The following TSHZ2 variants were observed in gnomAD, a reference collection of about 807,000 sequenced individuals.
The protein encoded by TSHZ2 is teashirt zinc finger homeobox 2.
TSHZ2 carries 21 observed loss-of-function variants against 74.4 expected under a neutral mutation model. The observed-to-expected ratio is 0.28, with a 90% CI of 0.20 to 0.41. The LOEUF is 0.41. TSHZ2 is among the 10% of genes least tolerant of loss of function. The pLI is 1.00. For missense variants in TSHZ2, 1,244 were observed against 1,293.5 expected, an observed-to-expected ratio of 0.96 and a Z score of 0.59; for synonymous variants, 540 against 515.3, an observed-to-expected ratio of 1.05 and a Z score of -0.65.
chr20:53,346,868 A>T (rs548116983), intron 2 of TSHZ2, among the ~76,000 whole-genome samples: 1 of 152,218 alleles, frequency 6.6e-6, no homozygotes, highest in Non-Finnish European at 1.5e-5. Context: ...CCACAGATAC[A>T]CAGAGTCTCA....
rs145429021 is a variant in TSHZ2 at position 53,226,356 on chromosome 20, T to C, written c.41-27143T>C. Reference sequence around the variant, plus strand: ...GTTATAAAGGTAAAATGAAATATTGTATGCAAAGCACCTCTTACCTGCTCT... The same window carrying C: ...GTTATAAAGGTAAAATGAAATATTGCATGCAAAGCACCTCTTACCTGCTCT... On this transcript the variant is annotated intron_variant, in intron 1 of 2. Coordinates refer to ENST00000371497, the MANE Select transcript of TSHZ2 (RefSeq NM_173485.6). 2.6e-3 allele frequency among the ~76,000 whole-genome samples: 390 copies of C among 152,300 alleles called. 3 individuals carry two copies. The highest frequency in any genetic ancestry group is 3.3e-3 in the Non-Finnish European group (224 of 68,034).
chr20:53,053,581 G>GTA (rs10566003), intron 1 of TSHZ2, among the ~76,000 whole-genome samples: 13,911 of 149,904 alleles, frequency 0.093, 801 homozygotes, highest in Non-Finnish European at 0.13. Flanking sequence ...ATATGTGTGT[G>GTA]TATATATATA....
intron 1 of TSHZ2, among the ~76,000 whole-genome samples, chr20:53,076,628 G>GA (rs1313146399): frequency 1.3e-5 from 2 of 152,216 alleles, no homozygotes; most frequent in African/African-American, 2.4e-5. Context: ...AGCTAAAAAA[G>GA]AAAAAAACAG....
At chr20:53,446,015 A>G (rs1984530046) in intron 2 of TSHZ2, among the ~76,000 whole-genome samples, 1 of 152,146 alleles carries the variant, frequency 6.6e-6, no homozygotes, top group Admixed American at 6.5e-5. Context: ...CCGCTGTGGT[A>G]GATGCACCAA....
chr20:53,374,034 T>C (rs1254499082), intron 2 of TSHZ2, among the ~76,000 whole-genome samples: 1 of 152,196 alleles, frequency 6.6e-6, no homozygotes, highest in Non-Finnish European at 1.5e-5. Context: ...AATTTGTTGG[T>C]TTGTTATATA....
At chr20:53,304,513 A>G (rs971159789) in intron 2 of TSHZ2, among the ~76,000 whole-genome samples, 4 of 152,066 alleles carry the variant, frequency 2.6e-5, no homozygotes, top group Non-Finnish European at 5.9e-5. Context: ...AACAGCAAAA[A>G]AAGCACCTCC....
intron 1 of TSHZ2, among the ~76,000 whole-genome samples, chr20:53,209,424 A>G (rs1989248819): frequency 6.6e-6 from 1 of 152,186 alleles, no homozygotes. Flanking sequence ...TTCTCCTCCC[A>G]GTACTCTACT....
chr20:53,385,350 G>A (rs1982006429), intron 2 of TSHZ2, among the ~76,000 whole-genome samples: 3 of 152,068 alleles, frequency 2.0e-5, no homozygotes, highest in South Asian at 2.1e-4. Context: ...AAACTCAGAA[G>A]TGAGTACTGC....
At chr20:53,420,195 G>C (rs1169652594) in intron 2 of TSHZ2, among the ~76,000 whole-genome samples, 1 of 152,236 alleles carries the variant, frequency 6.6e-6, no homozygotes, top group Non-Finnish European at 1.5e-5. Flanking sequence ...ATGGTGGCAG[G>C]GTGGGAAAAC....
At chr20:53,455,053 A>C (rs1326980407) in intron 2 of TSHZ2, among the ~76,000 whole-genome samples, 17 of 151,862 alleles carry the variant, frequency 1.1e-4, no homozygotes. Flanking sequence ...TCAGTTGGAG[A>C]GATAGATGAG....
intron 1 of TSHZ2, among the ~76,000 whole-genome samples, chr20:53,142,364 C>T (rs1315920137): frequency 6.6e-6 from 1 of 152,236 alleles, no homozygotes; most frequent in African/African-American, 2.4e-5. Flanking sequence ...AGGCCACGTG[C>T]TTCTCTTCCA....
chr20:53,062,320 C>T (rs984485339), intron 1 of TSHZ2, among the ~76,000 whole-genome samples: 3 of 152,100 alleles, frequency 2.0e-5, no homozygotes, highest in African/African-American at 7.2e-5. Flanking sequence ...TAACTATAAA[C>T]GGTCATATGG....
chr20:53,031,651 CT>C (rs1309532484), intron 1 of TSHZ2, among the ~76,000 whole-genome samples: 2 of 152,172 alleles, frequency 1.3e-5, no homozygotes, highest in Non-Finnish European at 2.9e-5. Flanking sequence ...GAGCTTCACT[CT>C]GTAGTGGGAG....
At chr20:53,186,356 C>A (rs1988599092) in intron 1 of TSHZ2, among the ~76,000 whole-genome samples, 1 of 152,214 alleles carries the variant, frequency 6.6e-6, no homozygotes, top group South Asian at 2.1e-4. Flanking sequence ...GGCTGAAACT[C>A]AGAATTGCCT....
rs143295830 is a variant in TSHZ2 at position 53,383,831 on chromosome 20, G to A, written c.*9-103313G>A. Among the ~76,000 whole-genome samples, 99 of 152,024 alleles carry A rather than the reference G, an allele frequency of 6.5e-4. 1 individual carries two copies. The highest frequency in any genetic ancestry group is 3.1e-3 in the Admixed American group (48 of 15,262). ...GCCCGGTTTCCATTTCCTCATAAAC[G>A]CTCCATCTATTTAAGCTTGCTAATT... On this transcript the variant is annotated intron_variant, in intron 2 of 2. Transcript: ENST00000371497.
At chr20:53,481,937 T>C (rs1411875998) in intron 2 of TSHZ2, among the ~76,000 whole-genome samples, 1 of 151,774 alleles carries the variant, frequency 6.6e-6, no homozygotes, top group Non-Finnish European at 1.5e-5. Flanking sequence ...AAGCTTCATC[T>C]CTACTAAAAA....
rs1006188589 is a variant in TSHZ2, at chr20:53,161,834, A to T, written c.41-91665A>T. On this transcript the variant is annotated intron_variant, in intron 1 of 2. Coordinates refer to ENST00000371497, the MANE Select transcript of TSHZ2 (RefSeq NM_173485.6). ...GGGTTTTAAGTAAATGAGTGATATT[A>T]TTTGAGTTAGAGTAGAGAAATATCA... is the stretch of plus-strand genomic sequence containing the variant. Among the ~76,000 whole-genome samples the T allele has an allele frequency of 1.6e-4, 25 of 152,234 alleles. 1 individual carries two copies. Among genetic ancestry groups the T allele is most frequent in the Admixed American group, 6.5e-5 (1 of 15,276 alleles).
At chr20:53,428,688 C>G (rs911331088) in intron 2 of TSHZ2, among the ~76,000 whole-genome samples, 2 of 152,156 alleles carry the variant, frequency 1.3e-5, no homozygotes, top group African/African-American at 4.8e-5. Context: ...AATGCAAATT[C>G]TCTAACTCCA....
intron 2 of TSHZ2, among the ~76,000 whole-genome samples, chr20:53,349,226 C>A (rs1231733026): frequency 6.6e-6 from 1 of 152,218 alleles, no homozygotes; most frequent in Non-Finnish European, 1.5e-5. Context: ...AATAGTCCTA[C>A]CTCAAAGAGT....
Sources: gnomAD v4.1 joint callset for allele counts (sites outside exome capture counted in the v4.1 genomes callset) on GRCh38, gnomAD v4.1.1 for gene constraint, MANE v1.5 for transcripts, NCBI Gene and HGNC (gene_info 2026-07-23, HGNC 2026-07-21) for gene names.